GABPB2: variants seen among roughly 807,000 people sequenced by gnomAD.
The protein encoded by GABPB2 is GA binding protein transcription factor subunit beta 2.
GABPB2 carries 23 observed loss-of-function variants against 39.1 expected under a neutral mutation model. That is an observed-to-expected ratio of 0.59 (90% CI 0.42 to 0.83). The LOEUF is 0.83. Among genes scored for constraint, GABPB2 ranks in the 40% least tolerant of loss-of-function variants. GABPB2 has a pLI of 0.00. For synonymous variants in GABPB2, 184 were observed against 199.3 expected (o/e 0.92, Z 0.65); for missense variants, 467 against 541.1 (o/e 0.86, Z 1.36).
chr1:151,071,449 TGCTC>T (rs1676706615), intron 1 of GABPB2, among the ~76,000 whole-genome samples: 1 of 91,604 alleles, frequency 1.1e-5, no homozygotes. Context: ...TCTGCTTTTT[TGCTC>T]TTTTTTTTTT....
At chr1:151,100,621 C>T (rs11804671) in intron 5 of GABPB2, among the ~76,000 whole-genome samples, 3,520 of 92,432 alleles carry the variant, frequency 0.038, 72 homozygotes, top group Middle Eastern at 0.064. Context: ...CAGAGTTTAA[C>T]TCTGTCACTC....
At chr1:151,104,458 A>C (rs962331035) in intron 6 of GABPB2, among the ~76,000 whole-genome samples, 1 of 152,162 alleles carries the variant, frequency 6.6e-6, no homozygotes, top group Non-Finnish European at 1.5e-5. Flanking sequence ...AATCATAAAG[A>C]TCTCTACTCA....
chr1:151,071,219 C>G lies in GABPB2; in HGVS notation c.-1+285C>G, dbSNP rs141752498. ...GAAGCCCAGGCCGCGGAGGTGACCA[C>G]TAGGGGGCGGCGCGGAGCCGGGGCC... On this transcript the variant is annotated intron_variant, in intron 1 of 8. Coordinates refer to ENST00000368918, the MANE Select transcript of GABPB2 (RefSeq NM_144618.3). Among the ~76,000 whole-genome samples the G allele has an allele frequency of 7.3e-3, 1,118 of 152,254 alleles. 9 individuals carry two copies. Among genetic ancestry groups the G allele is most frequent in the African/African-American group, 0.026 (1,067 of 41,540 alleles).
chr1:151,106,475 C>G (rs1679975794), intron 6 of GABPB2, among the ~76,000 whole-genome samples: 1 of 151,962 alleles, frequency 6.6e-6, no homozygotes, highest in African/African-American at 2.4e-5. Context: ...GTAGCTGGAA[C>G]TACAGGCACG....
At position 151,097,765 on chromosome 1, in the gene GABPB2, T is replaced by C. The variant is rs1010832514; in HGVS notation, c.472-87T>C. 4 of 1,337,970 alleles carry C rather than the reference T, an allele frequency of 3.0e-6. No homozygotes were observed. The African/African-American group carries it at 4.9e-5, about 16-fold the overall frequency. The allele number at this position is 1,337,970 out of a possible 1,614,324, so 82.9% of individuals were successfully genotyped here. A position where few individuals can be genotyped will look rare whatever the true frequency, so the allele number is the denominator to read the frequency against. ...CTGCACTCCAGCCTGGGTGGCAGAG[T>C]GAGACTGTCTCAAAAAAAAAAAAAA... On this transcript the variant is annotated intron_variant, in intron 4 of 8. Coordinates refer to ENST00000368918, the MANE Select transcript of GABPB2 (RefSeq NM_144618.3).
At chr1:151,073,485 C>T (rs778123779) in intron 1 of GABPB2, among the ~76,000 whole-genome samples, 2 of 152,140 alleles carry the variant, frequency 1.3e-5, no homozygotes, top group Non-Finnish European at 2.9e-5. Context: ...GATGGGCCAC[C>T]AGGCAGGTAT....
intron 1 of GABPB2, among the ~76,000 whole-genome samples, chr1:151,077,026 C>T (rs913711242): frequency 7.9e-5 from 12 of 151,994 alleles, no homozygotes; most frequent in Non-Finnish European, 1.5e-4. Flanking sequence ...ATCTCCTGAC[C>T]TCGTGATCCG....
intron 1 of GABPB2, among the ~76,000 whole-genome samples, chr1:151,085,519 C>T (rs1212875567): frequency 6.6e-6 from 1 of 152,172 alleles, no homozygotes; most frequent in Non-Finnish European, 1.5e-5. Context: ...CGGCTCACTG[C>T]AAGCTCCGCC....
At chr1:151,114,945 G>A (rs1680744785) in intron 7 of GABPB2, among the ~76,000 whole-genome samples, 1 of 151,950 alleles carries the variant, frequency 6.6e-6, no homozygotes, top group Non-Finnish European at 1.5e-5. Context: ...GGGAGGTGGA[G>A]GTTGCAGTGA....
At chr1:151,088,513 G>A (rs1678396397) in intron 2 of GABPB2, 2 of 1,206,874 alleles carry the variant, frequency 1.7e-6, no homozygotes, top group Non-Finnish European at 2.3e-6. Context: ...GGTGATAATT[G>A]TAAGGTATTA....
chr1:151,094,405 G>T (rs1248298296), intron 4 of GABPB2, among the ~76,000 whole-genome samples: 1 of 144,714 alleles, frequency 6.9e-6, no homozygotes, highest in Non-Finnish European at 1.5e-5. Flanking sequence ...GTCTCACTCT[G>T]TTGCCCAGTG....
chr1:151,100,143 C>CTT (rs587754459), intron 5 of GABPB2, among the ~76,000 whole-genome samples: 41 of 138,836 alleles, frequency 3.0e-4, no homozygotes, highest in South Asian at 1.4e-3. Context: ...ATTAAAACAA[C>CTT]TTTTTTTTTT....
chr1:151,118,553 A>T lies in GABPB2; in HGVS notation c.*297A>T, dbSNP rs1030231684. 4.8e-4 allele frequency: 117 copies of T among 245,348 alleles called. No homozygotes were observed. Among genetic ancestry groups the T allele is most frequent in the East Asian group, 7.8e-4 (10 of 12,780 alleles). 15.2% of individuals were successfully genotyped at this position (245,348 alleles called of 1,614,324 possible). A position where few individuals can be genotyped will look rare whatever the true frequency, so the allele number is the denominator to read the frequency against. ...TGTTGTGGGTTGATTTTTTTTTTTT[A>T]AATAACTGACTTTCTCACAAAAGAT... On this transcript the variant is annotated 3_prime_UTR_variant, in exon 9 of 9. Transcript: ENST00000368918.
rs201828997 is a variant in GABPB2 at position 151,076,424 on chromosome 1, GA to G, written c.-1+5492del. On this transcript the variant is annotated intron_variant, in intron 1 of 8. Coordinates refer to ENST00000368918, the MANE Select transcript of GABPB2 (RefSeq NM_144618.3). ...AACTTAAAAACAACTGATGAGACTAGAATTTTTATTTTTTTTATTTTTTGAG... is the reference window on the plus strand; with the variant it reads ...AACTTAAAAACAACTGATGAGACTAGATTTTTATTTTTTTTATTTTTTGAG... 7.7e-3 allele frequency among the ~76,000 whole-genome samples: 1,178 copies of G among 152,142 alleles called. 17 individuals are homozygous for G. Among genetic ancestry groups the G allele is most frequent in the African/African-American group, 0.027 (1,127 of 41,536 alleles).
intron 7 of GABPB2, chr1:151,112,855 C>T (rs1375752806): frequency 1.3e-5 from 2 of 152,250 alleles, no homozygotes; most frequent in Non-Finnish European, 2.9e-5. Flanking sequence ...ACTGCAATCT[C>T]TGCCTCCCAG....
intron 7 of GABPB2, among the ~76,000 whole-genome samples, chr1:151,114,752 A>G (rs1680726865): frequency 6.6e-6 from 1 of 152,010 alleles, no homozygotes; most frequent in Non-Finnish European, 1.5e-5. Context: ...GCTCAAGCCT[A>G]TAATCCCAGC....
intron 5 of GABPB2, among the ~76,000 whole-genome samples, chr1:151,098,495 TGTCTCTAAAA>T (rs2101521316): frequency 6.8e-6 from 1 of 147,352 alleles, no homozygotes; most frequent in East Asian, 2.0e-4. Context: ...AGCAAGACCC[TGTCTCTAAAA>T]AAAAAAAAAA....
intron 1 of GABPB2, among the ~76,000 whole-genome samples, chr1:151,082,441 G>A (rs1216262969): frequency 1.8e-5 from 2 of 110,358 alleles, no homozygotes; most frequent in East Asian, 3.1e-4. Flanking sequence ...TTGCTCTGTC[G>A]CCCAGGCTGG....
intron 1 of GABPB2, among the ~76,000 whole-genome samples, chr1:151,074,009 C>T (rs1411851630): frequency 7.4e-6 from 1 of 135,920 alleles, no homozygotes; most frequent in Non-Finnish European, 1.5e-5. Context: ...GAGAGTCTTG[C>T]TCTGTCGCCC....
Sources: gnomAD v4.1 joint callset for allele counts (sites outside exome capture counted in the v4.1 genomes callset) on GRCh38, gnomAD v4.1.1 for gene constraint, MANE v1.5 for transcripts, NCBI Gene and HGNC (gene_info 2026-07-23, HGNC 2026-07-21) for gene names.